DNAH3: variants seen among roughly 807,000 people sequenced by gnomAD.
The protein encoded by DNAH3 is axonemal beta dynein heavy chain 3.
In DNAH3, 332 loss-of-function variants were observed where a neutral mutation model predicts 432.5. The ratio of observed to expected loss-of-function variants is 0.77; its 90% CI spans 0.70 to 0.84. The LOEUF (loss-of-function observed/expected upper bound fraction) is 0.84. Ranked by LOEUF, DNAH3 falls within the 40% of genes least tolerant of loss-of-function variation. DNAH3 has a pLI of 0.00. For missense variants in DNAH3, 4,861 were observed against 5,114.0 expected, an observed-to-expected ratio of 0.95 and a Z score of 1.51; for synonymous variants, 1,956 against 1,900.2, an observed-to-expected ratio of 1.03 and a Z score of -0.76.
At chr16:20,948,675 G>A (rs2084169782) in intron 56 of DNAH3, 38 bp from the exon 57 acceptor site, 1 of 1,611,204 alleles carries the variant, frequency 6.2e-7, no homozygotes, top group Non-Finnish European at 8.5e-7. Context: ...TGAGCCCAGG[G>A]AAGGTCATCA....
At chr16:20,944,809 A>C (rs13334730) in intron 57 of DNAH3, 146 bp from the exon 58 acceptor site, 74,830 of 761,118 alleles carry the variant, frequency 0.098, 4,179 homozygotes, top group African/African-American at 0.16. Context: ...ACACGCTGGG[A>C]GAACACAACC....
chr16:20,971,611 C>T (rs551585087), intron 51 of DNAH3, among the ~76,000 whole-genome samples: 156 of 152,286 alleles, frequency 1.0e-3, no homozygotes, highest in African/African-American at 3.6e-3. Context: ...CCCTTTGCAC[C>T]GAAACCTGAT....
chr16:20,983,599 T>C (rs1038331646), intron 48 of DNAH3, among the ~76,000 whole-genome samples: 7 of 152,016 alleles, frequency 4.6e-5, no homozygotes, highest in African/African-American at 1.7e-4. Flanking sequence ...TTGTTTCTGA[T>C]CCCATCTCTG....
intron 19 of DNAH3, among the ~76,000 whole-genome samples, chr16:21,083,022 CTTTT>C (rs112090022): frequency 2.1e-5 from 3 of 140,192 alleles, no homozygotes; most frequent in South Asian, 2.3e-4. Flanking sequence ...TTTTTCCATA[CTTTT>C]TTTTTTTTGA....
intron 44 of DNAH3, among the ~76,000 whole-genome samples, chr16:20,991,175 C>G (rs2086539066): frequency 6.6e-6 from 1 of 152,130 alleles, no homozygotes; most frequent in Non-Finnish European, 1.5e-5. Flanking sequence ...TGCTGTCTTG[C>G]ATTTCTTTAT....
intron 53 of DNAH3, 82 bp from the exon 54 acceptor site, chr16:20,959,486 A>C: frequency 2.9e-6 from 4 of 1,381,640 alleles, no homozygotes; most frequent in Non-Finnish European, 3.0e-6. Flanking sequence ...CAATAACAAC[A>C]TGGCTGGGTG....
Position 21,122,990 on chromosome 16 carries a change from C to A in DNAH3, c.1405-866G>T, listed in dbSNP as rs117825612. On this transcript the variant is annotated intron_variant, in intron 9 of 61. Coordinates refer to ENST00000261383, the Ensembl canonical transcript of DNAH3. ...TTTCTCTCTGGTAGGAATTTATATG[C>A]GTATCTCAACTTGTCTATTCTAAAG... Among the ~76,000 whole-genome samples, 1,278 of 152,026 alleles carry A rather than the reference C, an allele frequency of 8.4e-3. 7 individuals are homozygous for A. The highest frequency in any genetic ancestry group is 0.011 in the Non-Finnish European group (767 of 67,994).
exon 3 of DNAH3, chr16:21,145,242 G>C (rs1051054148): frequency 6.2e-7 from 1 of 1,613,500 alleles, no homozygotes; most frequent in Non-Finnish European, 8.5e-7. Context: ...CCGGTTGGTA[G>C]ACCTTCAGCA....
intron 41 of DNAH3, among the ~76,000 whole-genome samples, chr16:21,004,070 TAC>T (rs1294239857): frequency 3.3e-5 from 5 of 152,204 alleles, no homozygotes; most frequent in Non-Finnish European, 5.9e-5. Context: ...GACTTTCAGG[TAC>T]AGTTTTTGTC....
chr16:20,978,508 A>G (rs551646842), intron 50 of DNAH3, among the ~76,000 whole-genome samples: 7 of 152,260 alleles, frequency 4.6e-5, no homozygotes, highest in Non-Finnish European at 7.4e-5. Context: ...CAGCCTCAGT[A>G]AGAGAGAGAT....
chr16:21,073,400 A>C (rs2090862763), intron 21 of DNAH3, among the ~76,000 whole-genome samples: 1 of 152,042 alleles, frequency 6.6e-6, no homozygotes, highest in Non-Finnish European at 1.5e-5. Context: ...GTCTAATCCA[A>C]GCTGATCATG....
rs1860852260 is a variant in DNAH3 at position 21,051,715 on chromosome 16, T to A, written c.4193A>T (p.Asn1398Ile). 5 of 1,611,596 alleles carry A rather than the reference T, an allele frequency of 3.1e-6. No individual in the cohort carries two copies. In the Middle Eastern group the frequency reaches 6.9e-4, roughly 223 times the overall value. ...GGGTGTGATCACCAGCCGGGGGGAG[T>A]TTCCCAGGTACTCATAGCCATACAA... Residue 1398 changes from asparagine to isoleucine, a missense_variant, in exon 29 of 62, where the codon AAC becomes ATC. Coordinates refer to ENST00000261383, the Ensembl canonical transcript of DNAH3.
intron 44 of DNAH3, among the ~76,000 whole-genome samples, chr16:20,993,720 G>C (rs2086650128): frequency 6.6e-6 from 1 of 152,016 alleles, no homozygotes; most frequent in Non-Finnish European, 1.5e-5. Context: ...GTCTTGCTCT[G>C]TCGCCCTGGT....
chr16:20,987,717 C>T (rs764166721), exon 46 of DNAH3: 5 of 1,614,096 alleles, frequency 3.1e-6, no homozygotes, highest in Non-Finnish European at 4.2e-6. Flanking sequence ...GAGGGCACAG[C>T]AGGACCCCTT....
intron 21 of DNAH3, among the ~76,000 whole-genome samples, chr16:21,072,846 T>C (rs929403689): frequency 4.4e-5 from 6 of 135,714 alleles, no homozygotes; most frequent in Admixed American, 7.3e-5. Flanking sequence ...ATTATTACTA[T>C]TATTATTATT....
At chr16:20,988,294 A>G (rs989051763) in intron 44 of DNAH3, among the ~76,000 whole-genome samples, 1 of 152,234 alleles carries the variant, frequency 6.6e-6, no homozygotes, top group African/African-American at 2.4e-5. Context: ...TCAAGTGCTC[A>G]AGAGCCACAT....
At chr16:21,091,822 GA>G (rs964427126) in intron 18 of DNAH3, among the ~76,000 whole-genome samples, 19 of 143,468 alleles carry the variant, frequency 1.3e-4, no homozygotes, top group South Asian at 4.4e-4. Flanking sequence ...TCTCAAAAAA[GA>G]AAAAAAAAAG....
intron 40 of DNAH3, among the ~76,000 whole-genome samples, chr16:21,021,446 G>A (rs1248947634): frequency 6.6e-6 from 1 of 152,108 alleles, no homozygotes; most frequent in Non-Finnish European, 1.5e-5. Flanking sequence ...GAATGATGGG[G>A]TAATTTGCAC....
In DNAH3 at chr16:21,066,356, G is replaced by A. The variant is rs147205210; in HGVS notation, c.3518+927C>T. 3.1e-3 allele frequency among the ~76,000 whole-genome samples: 466 copies of A among 151,868 alleles called. 1 individual carries two copies. Among genetic ancestry groups the A allele is most frequent in the African/African-American group, 0.011 (438 of 41,434 alleles). ...GTCAGGAGTGAGAATTCACCTTTCC[G>A]AAACTAACCTTCTCCTTTTTTTTTA... is the stretch of plus-strand genomic sequence containing the variant. On this transcript the variant is annotated intron_variant, in intron 24 of 61. Transcript: ENST00000261383.
Sources: gnomAD v4.1 joint callset for allele counts (sites outside exome capture counted in the v4.1 genomes callset) on GRCh38, gnomAD v4.1.1 for gene constraint, MANE v1.5 for transcripts, NCBI Gene and HGNC (gene_info 2026-07-23, HGNC 2026-07-21) for gene names.